The following KPNA3 variants were observed in gnomAD, a reference collection of about 807,000 sequenced individuals.
KPNA3 encodes the protein importin subunit alpha-4.
A neutral mutation model predicts 73.8 loss-of-function variants in KPNA3; 13 were observed. The observed-to-expected ratio is 0.18, with a 90% CI of 0.11 to 0.28. The LOEUF is 0.28. Ranked by LOEUF, KPNA3 falls within the 10% of genes least tolerant of loss-of-function variation. KPNA3 has a pLI of 1.00. For synonymous variants in KPNA3, 186 were observed against 206.9 expected (o/e 0.90, Z 0.87); for missense variants, 360 against 618.1 (o/e 0.58, Z 4.43).
intron 15 of KPNA3, among the ~76,000 whole-genome samples, chr13:49,704,260 A>G (rs946790378): frequency 2.0e-5 from 3 of 151,980 alleles, no homozygotes; most frequent in African/African-American, 7.3e-5. Flanking sequence ...TGCCTCTACT[A>G]AAAATACAAA....
chr13:49,716,839 C>T lies in KPNA3; in HGVS notation c.771+2936G>A, dbSNP rs373835403. Among the ~76,000 whole-genome samples, 13 of 152,278 alleles carry T rather than the reference C, an allele frequency of 8.5e-5. No individual in the cohort carries two copies. The East Asian group carries it at 1.3e-3, about 16-fold the overall frequency. ...TAAGTTACATTTTTAGCCCTCCTTC[C>T]GAAATACAGCCTCCTCCAGGTGATC... On this transcript the variant is annotated intron_variant, in intron 10 of 16. Transcript: ENST00000261667.
intron 1 of KPNA3, among the ~76,000 whole-genome samples, chr13:49,749,613 A>G (rs9568319): frequency 0.11 from 16,484 of 152,156 alleles, 976 homozygotes; most frequent in African/African-American, 0.15. Context: ...ACAAGGTGGT[A>G]ATCTCCAGTC....
intron 1 of KPNA3, among the ~76,000 whole-genome samples, chr13:49,765,139 TTCAATTA>T (rs1296912420): frequency 2.0e-5 from 3 of 152,248 alleles, no homozygotes; most frequent in Non-Finnish European, 4.4e-5. Flanking sequence ...TCTCCATGGC[TTCAATTA>T]TCAATTAAGT....
intron 13 of KPNA3, 41 bp downstream of exon 13, chr13:49,706,227 T>C: frequency 6.2e-7 from 1 of 1,609,440 alleles, no homozygotes; most frequent in South Asian, 1.1e-5. Context: ...TCTTGGTTAT[T>C]AACAGATTAA....
chr13:49,706,971 G>A (rs539954075), intron 12 of KPNA3, among the ~76,000 whole-genome samples: 32 of 152,022 alleles, frequency 2.1e-4, no homozygotes, highest in South Asian at 2.1e-3. Flanking sequence ...GGATGGTCTC[G>A]ATCTCCTGAC....
intron 6 of KPNA3, among the ~76,000 whole-genome samples, chr13:49,727,241 A>T (rs1049406956): frequency 6.6e-6 from 1 of 152,092 alleles, no homozygotes; most frequent in African/African-American, 2.4e-5. Flanking sequence ...TGAGGTCGGG[A>T]GTTTGAAACC....
intron 11 of KPNA3, among the ~76,000 whole-genome samples, chr13:49,710,172 G>GA (rs1225964633): frequency 1.3e-5 from 2 of 152,216 alleles, no homozygotes; most frequent in Non-Finnish European, 1.5e-5. Context: ...TGAGGCAGGA[G>GA]AATCACTTGA....
At chr13:49,736,031 T>G (rs774939232) in intron 2 of KPNA3, among the ~76,000 whole-genome samples, 2 of 152,214 alleles carry the variant, frequency 1.3e-5, no homozygotes, top group Non-Finnish European at 2.9e-5. Context: ...AAAAGGATAA[T>G]TACATTATTT....
At chr13:49,781,562 C>CA (rs1341551038) in intron 1 of KPNA3, among the ~76,000 whole-genome samples, 1 of 152,196 alleles carries the variant, frequency 6.6e-6, no homozygotes, top group African/African-American at 2.4e-5. Flanking sequence ...CCCTCACACT[C>CA]AGTAAAGAAT....
At chr13:49,757,929 G>T (rs567539911) in intron 1 of KPNA3, among the ~76,000 whole-genome samples, 5 of 152,228 alleles carry the variant, frequency 3.3e-5, no homozygotes, top group African/African-American at 1.2e-4. Context: ...CTGGAGAAAG[G>T]ATAAACAGGA....
intron 1 of KPNA3, among the ~76,000 whole-genome samples, chr13:49,748,858 A>T (rs1226307355): frequency 2.0e-5 from 3 of 152,180 alleles, no homozygotes; most frequent in Non-Finnish European, 4.4e-5. Flanking sequence ...TGTCTTACGC[A>T]TAAGTTCATA....
intron 9 of KPNA3, among the ~76,000 whole-genome samples, chr13:49,720,729 C>CAAAA (rs10707385): frequency 2.3e-5 from 2 of 88,018 alleles, no homozygotes; most frequent in African/African-American, 4.3e-5. Flanking sequence ...GAGACTGTCT[C>CAAAA]AAAAAAAAAA....
rs1309702701 is a variant in KPNA3 at position 49,722,550 on chromosome 13, A to G, written c.483T>C (p.Leu161=). The change falls in exon 8 of 17, where the codon CTT becomes CTC. Residue 161 remains leucine (L), a synonymous_variant. Transcript: ENST00000261667. ...QAVVQSNAVP[L]FLRLLRSPHQ... Reference sequence around the variant, plus strand: ...GTGGTGAACGAAGAAGTCTCAGAAAAAGAGGTACTGCATCTGTAATAAAGA... The same window carrying G: ...GTGGTGAACGAAGAAGTCTCAGAAAGAGAGGTACTGCATCTGTAATAAAGA... 1 of 1,607,798 alleles carries G rather than the reference A, an allele frequency of 6.2e-7. No individual in the cohort carries two copies. The highest frequency in any genetic ancestry group is 1.3e-5 in the African/African-American group (1 of 74,904).
At chr13:49,763,496 A>G (rs1805208954) in intron 1 of KPNA3, among the ~76,000 whole-genome samples, 1 of 152,202 alleles carries the variant, frequency 6.6e-6, no homozygotes, top group African/African-American at 2.4e-5. Context: ...ATAGCTAAGA[A>G]TTTTCCAGAA....
intron 1 of KPNA3, among the ~76,000 whole-genome samples, chr13:49,778,540 C>T (rs751784008): frequency 2.0e-5 from 3 of 152,170 alleles, no homozygotes; most frequent in East Asian, 1.9e-4. Flanking sequence ...ATTACACAAA[C>T]GACCATAAAT....
intron 1 of KPNA3, among the ~76,000 whole-genome samples, chr13:49,782,699 C>T (rs1013094691): frequency 3.3e-5 from 5 of 151,800 alleles, no homozygotes; most frequent in East Asian, 3.9e-4. Context: ...GACAACACGG[C>T]GAAACCCTGT....
At chr13:49,768,108 T>C (rs1335616064) in intron 1 of KPNA3, among the ~76,000 whole-genome samples, 2 of 151,902 alleles carry the variant, frequency 1.3e-5, no homozygotes, top group African/African-American at 4.8e-5. Flanking sequence ...TGAAACCCCG[T>C]CTCTACTAAA....
chr13:49,743,041 T>TG (rs937932464), intron 2 of KPNA3, among the ~76,000 whole-genome samples: 3 of 152,142 alleles, frequency 2.0e-5, no homozygotes, highest in African/African-American at 7.2e-5. Flanking sequence ...TTTGGGAGGC[T>TG]GGGGTGGAGG....
intron 1 of KPNA3, among the ~76,000 whole-genome samples, chr13:49,747,791 G>A (rs560830466): frequency 2.0e-5 from 3 of 152,330 alleles, no homozygotes; most frequent in African/African-American, 7.2e-5. Context: ...TGTATTTACT[G>A]GATATCTGTT....
Sources: allele counts gnomAD v4.1 joint callset (sites outside exome capture counted in the v4.1 genomes callset), GRCh38; gene constraint gnomAD v4.1.1; transcripts MANE v1.5; gene names NCBI Gene and HGNC (gene_info 2026-07-23, HGNC 2026-07-21).